The following HADHA variants were observed in gnomAD, a reference collection of about 807,000 sequenced individuals.
The protein encoded by HADHA is hydroxyacyl-CoA dehydrogenase trifunctional multienzyme complex subunit alpha.
HADHA carries 59 observed loss-of-function variants against 91.3 expected under a neutral mutation model. That is an observed-to-expected ratio of 0.65 (90% CI 0.52 to 0.80). The LOEUF (loss-of-function observed/expected upper bound fraction) is 0.80, where lower values mean the gene tolerates loss of function less well. Ranked by LOEUF, HADHA falls within the 30% of genes least tolerant of loss-of-function variation. The pLI is 0.00. For missense variants in HADHA, 800 were observed against 927.6 expected (o/e 0.86, Z 1.79); for synonymous variants, 320 against 338.9 (o/e 0.94, Z 0.61).
intron 1 of HADHA, among the ~76,000 whole-genome samples, chr2:26,242,928 T>C (rs1333994440): frequency 1.3e-5 from 2 of 152,214 alleles, no homozygotes; most frequent in Admixed American, 1.3e-4. Context: ...ATTTCTTGTA[T>C]TTTTAGTAGA....
intron 14 of HADHA, among the ~76,000 whole-genome samples, chr2:26,196,597 C>T (rs917279608): frequency 6.6e-6 from 1 of 152,126 alleles, no homozygotes; most frequent in Non-Finnish European, 1.5e-5. Context: ...TCCTGTATCC[C>T]TTGCTCCCGG....
At chr2:26,209,941 A>G (rs1461905159) in intron 10 of HADHA, 52 bp from the exon 11 acceptor site, 6 of 946,846 alleles carry the variant, frequency 6.3e-6, no homozygotes, top group Non-Finnish European at 1.0e-5. Flanking sequence ...TCTAGGTTAT[A>G]TGGATTCCTT....
chr2:26,202,297 AG>A (rs1219283254), intron 12 of HADHA, among the ~76,000 whole-genome samples: 1 of 152,224 alleles, frequency 6.6e-6, no homozygotes, highest in Non-Finnish European at 1.5e-5. Flanking sequence ...CAAGGGAAAC[AG>A]GTTCTCTTAG....
intron 12 of HADHA, 38 bp downstream of exon 12, chr2:26,204,024 G>A: frequency 6.2e-7 from 1 of 1,605,114 alleles, no homozygotes; most frequent in East Asian, 2.2e-5. Flanking sequence ...AGAAACAAAG[G>A]ACATTCTAAC....
At chr2:26,219,141 T>A (rs930100609) in intron 7 of HADHA, among the ~76,000 whole-genome samples, 8 of 151,550 alleles carry the variant, frequency 5.3e-5, no homozygotes, top group Middle Eastern at 3.4e-3. Flanking sequence ...ATATATATAT[T>A]TTTTTGAGAT....
intron 11 of HADHA, among the ~76,000 whole-genome samples, chr2:26,207,967 A>G (rs1399146701): frequency 6.6e-6 from 1 of 152,240 alleles, no homozygotes; most frequent in South Asian, 2.1e-4. Context: ...CACCCTATCT[A>G]CAATGTTCAT....
intron 1 of HADHA, among the ~76,000 whole-genome samples, chr2:26,242,546 T>C (rs1670922670): frequency 1.1e-5 from 1 of 94,414 alleles, no homozygotes; most frequent in Non-Finnish European, 2.9e-5. Context: ...TACAATCGTA[T>C]TTCTTCCAGG....
chr2:26,236,344 T>C (rs1670751631), intron 4 of HADHA, among the ~76,000 whole-genome samples: 1 of 105,978 alleles, frequency 9.4e-6, no homozygotes, highest in East Asian at 2.0e-4. Context: ...ACATGATGTG[T>C]GTGTGTGTGT....
chr2:26,199,626 G>C (rs1254293153), intron 13 of HADHA, among the ~76,000 whole-genome samples: 8 of 152,164 alleles, frequency 5.3e-5, no homozygotes, highest in Non-Finnish European at 1.0e-4. Context: ...CTTGTGACTT[G>C]TTTTTATCAA....
intron 7 of HADHA, among the ~76,000 whole-genome samples, chr2:26,219,346 T>A (rs1387837760): frequency 6.6e-6 from 1 of 152,070 alleles, no homozygotes; most frequent in East Asian, 2.0e-4. Flanking sequence ...CAGGACGGTC[T>A]CCATCTCCTG....
At chr2:26,218,139 A>G (rs1364985797) in intron 7 of HADHA, among the ~76,000 whole-genome samples, 3 of 152,112 alleles carry the variant, frequency 2.0e-5, no homozygotes, top group Middle Eastern at 3.4e-3. Flanking sequence ...AACTCTATTA[A>G]AAGTACAAAA....
chr2:26,215,134 G>T lies in HADHA; in HGVS notation c.718C>A (p.Leu240Ile). The change falls in exon 8 of 20, where the codon CTA (leucine) becomes ATA (isoleucine). Residue 240 changes from leucine to isoleucine, a missense_variant. Coordinates refer to ENST00000380649, the MANE Select transcript of HADHA (RefSeq NM_000182.5). ...KPPEERTIEY[L>I]EEVAITFAKG... ...GCAAAAGTAATTGCAACTTCTTCTA[G>T]GTATTCTATTGTCCGTTCCTCTGGA... 1 of 1,608,046 alleles carries T rather than the reference G, an allele frequency of 6.2e-7. No individual in the cohort carries two copies. Among genetic ancestry groups the T allele is most frequent in the Non-Finnish European group, 8.5e-7 (1 of 1,174,536 alleles).
chr2:26,191,412 G>A lies in HADHA; in HGVS notation c.2147-17C>T, dbSNP rs1195994754. 1.2e-6 allele frequency: 2 copies of A among 1,614,036 alleles called. No individual in the cohort carries two copies. Reference sequence around the variant, plus strand: ...GGAAAGGCCCTGAATAGAGAAAGAGGACTTCGTTGAAGGAGACGCAACACG... The same window carrying A: ...GGAAAGGCCCTGAATAGAGAAAGAGAACTTCGTTGAAGGAGACGCAACACG... On this transcript the variant is annotated splice_polypyrimidine_tract_variant and intron_variant, in intron 19 of 19. Transcript: ENST00000380649.
In HADHA at chr2:26,197,808, A is replaced by C. The variant is rs374046333; in HGVS notation, c.1393-31T>G. On this transcript the variant is annotated intron_variant, in intron 13 of 19. Transcript: ENST00000380649. ...GGGGAAAAGCATTTAACAATGTGTC[A>C]GGTAGGCCTGGGAGATGATTAGAGG... 1.9e-5 allele frequency: 21 copies of C among 1,090,966 alleles called. No individual in the cohort carries two copies. In the African/African-American group the frequency reaches 3.1e-4, roughly 16 times the overall value. 67.6% of individuals were successfully genotyped at this position (1,090,966 alleles called of 1,614,324 possible). A position where few individuals can be genotyped will look rare whatever the true frequency, so the allele number is the denominator to read the frequency against.
intron 12 of HADHA, among the ~76,000 whole-genome samples, chr2:26,202,172 C>T (rs1369476209): frequency 6.6e-6 from 1 of 152,122 alleles, no homozygotes; most frequent in East Asian, 1.9e-4. Flanking sequence ...CCACTCATTA[C>T]CTAGTAGCAC....
intron 10 of HADHA, among the ~76,000 whole-genome samples, chr2:26,211,379 G>A (rs1476034315): frequency 6.6e-5 from 10 of 151,742 alleles, no homozygotes; most frequent in African/African-American, 2.4e-4. Flanking sequence ...TCCCTAATCT[G>A]AAAATCCAAA....
chr2:26,201,247 G>A lies in HADHA; in HGVS notation c.1294C>T (p.Gln432Ter). 6.2e-7 allele frequency: 1 copy of A among 1,611,180 alleles called. No individual in the cohort carries two copies. The highest frequency in any genetic ancestry group is 8.5e-7 in the Non-Finnish European group (1 of 1,177,310). ...TTTTCAAAACCTTGGTAATCAAGCT[G>A]CCCAGTCAAGTTGCTGAAGATGGAA... is the stretch of plus-strand genomic sequence containing the variant. ...RDSIFSNLTGQLDYQGFEKAD... is the reference protein window; with the variant it reads ...RDSIFSNLTG Residue 432 changes from glutamine to a stop codon, truncating the protein, a stop_gained, in exon 13 of 20, where the codon CAG becomes TAG. Coordinates refer to ENST00000380649, the MANE Select transcript of HADHA (RefSeq NM_000182.5). LOFTEE classifies it high-confidence loss of function.
chr2:26,240,772 G>C (rs191953094), intron 1 of HADHA, among the ~76,000 whole-genome samples: 1 of 152,128 alleles, frequency 6.6e-6, no homozygotes, highest in African/African-American at 2.4e-5. Context: ...TGCCCCACTG[G>C]GTTGCAGTTT....
At chr2:26,197,802 T>C (rs2147756209) in intron 13 of HADHA, 25 bp from the exon 14 acceptor site, 3 of 1,150,178 alleles carry the variant, frequency 2.6e-6, no homozygotes, top group Non-Finnish European at 1.3e-6. Flanking sequence ...CATTTAACAA[T>C]GTGTCAGGTA....
Sources: gnomAD v4.1 joint callset for allele counts (sites outside exome capture counted in the v4.1 genomes callset) on GRCh38, gnomAD v4.1.1 for gene constraint, MANE v1.5 for transcripts, NCBI Gene and HGNC (gene_info 2026-07-23, HGNC 2026-07-21) for gene names.